The following CEACAM6 variants were observed in gnomAD, a reference collection of about 807,000 sequenced individuals.
The protein encoded by CEACAM6 is CEA cell adhesion molecule 6.
A neutral mutation model predicts 32.4 loss-of-function variants in CEACAM6; 21 were observed. The observed-to-expected ratio is 0.65, with a 90% confidence interval of 0.46 to 0.93. CEACAM6 has a LOEUF of 0.93. CEACAM6 is among the 40% of genes least tolerant of loss of function. The pLI, the probability that CEACAM6 is intolerant of heterozygous loss-of-function variation, is 0.00. For missense variants in CEACAM6, 406 were observed against 432.2 expected, an observed-to-expected ratio of 0.94 and a Z score of 0.54; for synonymous variants, 184 against 174.4, an observed-to-expected ratio of 1.06 and a Z score of -0.43.
chr19:41,759,230 A>G (rs2084571844), intron 2 of CEACAM6, among the ~76,000 whole-genome samples: 1 of 152,170 alleles, frequency 6.6e-6, no homozygotes, highest in Non-Finnish European at 1.5e-5. Context: ...CCTCATGATG[A>G]TGCCATTGTC....
chr19:41,770,608 C>T (rs900129957), intron 5 of CEACAM6, among the ~76,000 whole-genome samples, 194 bp from the exon 6 acceptor site: 8 of 151,866 alleles, frequency 5.3e-5, no homozygotes, highest in Admixed American at 2.0e-4. Flanking sequence ...ACTCTTGTTG[C>T]ACTTATATAA....
intron 2 of CEACAM6, among the ~76,000 whole-genome samples, chr19:41,759,233 C>CCCCT (rs2072908234): frequency 6.6e-6 from 1 of 152,212 alleles, no homozygotes; most frequent in African/African-American, 2.4e-5. Flanking sequence ...CATGATGATG[C>CCCCT]CATTGTCATA....
chr19:41,756,419 T>C (rs1281602808), intron 1 of CEACAM6, among the ~76,000 whole-genome samples, 181 bp from the exon 2 acceptor site: 1 of 148,434 alleles, frequency 6.7e-6, no homozygotes, highest in Non-Finnish European at 1.5e-5. Context: ...GCTGAAGGAA[T>C]GGGGGTGTCA....
Position 41,755,584 on chromosome 19 carries a change from T to G in CEACAM6, c.-55T>G. 1.3e-6 allele frequency: 2 copies of G among 1,550,860 alleles called. No individual in the cohort carries two copies. Among genetic ancestry groups the G allele is most frequent in the Non-Finnish European group, 1.8e-6 (2 of 1,123,286 alleles). On this transcript the variant is annotated 5_prime_UTR_variant, in exon 1 of 6. Transcript: ENST00000199764. Reference sequence around the variant, plus strand: ...AGTCACAGCAGCCCTGACCAGAGCATTCCTGGAGCTCAAGCTCCTCTACAA... The same window carrying G: ...AGTCACAGCAGCCCTGACCAGAGCAGTCCTGGAGCTCAAGCTCCTCTACAA...
intron 2 of CEACAM6, among the ~76,000 whole-genome samples, chr19:41,759,159 G>A (rs574128204): frequency 2.0e-5 from 3 of 152,190 alleles, no homozygotes; most frequent in Non-Finnish European, 4.4e-5. Context: ...TCCCCAGGTG[G>A]AGCCGGCCAG....
chr19:41,764,258 A>G (rs562884287), intron 4 of CEACAM6, among the ~76,000 whole-genome samples: 1 of 152,072 alleles, frequency 6.6e-6, no homozygotes, highest in Admixed American at 6.5e-5. Flanking sequence ...TTTAATCTTT[A>G]TTATTTCTGT....
Position 41,756,607 on chromosome 19 carries a change from T to C in CEACAM6, c.72T>C (p.Leu24=), listed in dbSNP as rs782309181. 1.1e-5 allele frequency: 18 copies of C among 1,613,696 alleles called. No homozygotes were observed. Among genetic ancestry groups the C allele is most frequent in the Middle Eastern group, 3.3e-4 (2 of 6,060 alleles). Residue 24 remains leucine (L), a synonymous_variant, in exon 2 of 6, where the codon CTT becomes CTC. Coordinates refer to ENST00000199764, the MANE Select transcript of CEACAM6 (RefSeq NM_002483.7). ...CTCTCTCCTCTCTCCTAGCCTCACT[T>C]CTAACCTTCTGGAACCCACCCACCA... is the stretch of plus-strand genomic sequence containing the variant. ...PWKEVLLTAS[L]LTFWNPPTTA... is the part of the protein sequence containing the mutation.
chr19:41,755,570 C>T lies in CEACAM6; in HGVS notation c.-69C>T. ...ACAGCAGGGCCAACAGTCACAGCAG[C>T]CCTGACCAGAGCATTCCTGGAGCTC... On this transcript the variant is annotated 5_prime_UTR_variant, in exon 1 of 6. Transcript: ENST00000199764. The T allele has an allele frequency of 3.4e-6, 5 of 1,468,500 alleles. No homozygotes were observed. Among genetic ancestry groups the T allele is most frequent in the Non-Finnish European group, 3.8e-6 (4 of 1,048,800 alleles). 91.0% of individuals were successfully genotyped at this position (1,468,500 alleles called of 1,614,324 possible). A position where few individuals can be genotyped will look rare whatever the true frequency, so the allele number is the denominator to read the frequency against.
intron 2 of CEACAM6, 127 bp downstream of exon 2, chr19:41,757,086 AG>A: frequency 2.1e-6 from 3 of 1,460,644 alleles, no homozygotes; most frequent in Non-Finnish European, 2.8e-6. Flanking sequence ...TTGGACATTT[AG>A]TGCAGGACAC....
intron 5 of CEACAM6, among the ~76,000 whole-genome samples, chr19:41,769,702 G>A (rs1013446651): frequency 3.4e-5 from 5 of 144,960 alleles, no homozygotes; most frequent in Admixed American, 7.1e-5. Flanking sequence ...TAATAATATC[G>A]TTATTTGCAC....
In CEACAM6 at chr19:41,771,642, C is replaced by G. The variant is rs1336886875; in HGVS notation, c.*881C>G. 1.3e-5 allele frequency: 2 copies of G among 152,182 alleles called. No homozygotes were observed. The highest frequency in any genetic ancestry group is 6.5e-5 in the Admixed American group (1 of 15,268). 9.4% of individuals were successfully genotyped at this position (152,182 alleles called of 1,614,324 possible). A position where few individuals can be genotyped will look rare whatever the true frequency, so the allele number is the denominator to read the frequency against. ...ATAGTCATACTAGTAGTCATACTCC[C>G]TGGTGTAGTGTATTCTCTAAAAGCT... On this transcript the variant is annotated 3_prime_UTR_variant, in exon 6 of 6. Transcript: ENST00000199764.
At chr19:41,760,287 A>G (rs180956904) in intron 2 of CEACAM6, among the ~76,000 whole-genome samples, 1 of 152,308 alleles carries the variant, frequency 6.6e-6, no homozygotes, top group Admixed American at 6.5e-5. Context: ...GACTTATTGC[A>G]TTTAGCATAA....
chr19:41,770,253 T>TCCAAAAAAA (rs1555822848), intron 5 of CEACAM6, among the ~76,000 whole-genome samples: 3 of 30,578 alleles, frequency 9.8e-5, no homozygotes, highest in Non-Finnish European at 1.3e-4. Context: ...CTGCTAAAAA[T>TCCAAAAAAA]ACAAAAAAAA....
At chr19:41,768,733 C>CCA (rs2122936865) in intron 5 of CEACAM6, among the ~76,000 whole-genome samples, 1 of 143,208 alleles carries the variant, frequency 7.0e-6, no homozygotes, top group Admixed American at 6.8e-5. Context: ...GGGGGGCTGA[C>CCA]CCCCCCACCT....
Position 41,761,354 on chromosome 19 carries a change from T to C in CEACAM6, c.530T>C (p.Leu177Pro), listed in dbSNP as rs369556770. 3.7e-6 allele frequency: 6 copies of C among 1,614,142 alleles called. No individual in the cohort carries two copies. The highest frequency in any genetic ancestry group is 4.5e-5 in the East Asian group (2 of 44,874). Residue 177 changes from leucine to proline, a missense_variant, in exon 3 of 6, where the codon CTG becomes CCG. Coordinates refer to ENST00000199764, the MANE Select transcript of CEACAM6 (RefSeq NM_002483.7). ...CCTGAGGTTCAGAACACAACCTACCTGTGGTGGGTAAATGGTCAGAGCCTC... is the reference window on the plus strand; with the variant it reads ...CCTGAGGTTCAGAACACAACCTACCCGTGGTGGGTAAATGGTCAGAGCCTC... ...CEPEVQNTTYLWWVNGQSLPV... is the reference protein window; with the variant it reads ...CEPEVQNTTYPWWVNGQSLPV...
At chr19:41,765,250 A>G (rs181838932) in intron 4 of CEACAM6, among the ~76,000 whole-genome samples, 1 of 152,346 alleles carries the variant, frequency 6.6e-6, no homozygotes, top group East Asian at 1.9e-4. Flanking sequence ...GAGTTACTGT[A>G]TAAATCAAAT....
At chr19:41,758,478 G>A (rs1488857185) in intron 2 of CEACAM6, among the ~76,000 whole-genome samples, 2 of 152,158 alleles carry the variant, frequency 1.3e-5, no homozygotes, top group Admixed American at 6.5e-5. Flanking sequence ...TGACACCCAT[G>A]TTCCATCCCT....
rs782546421 is a variant in CEACAM6, at chr19:41,762,129, C to T, written c.864C>T (p.Asn288=). 1.9e-6 allele frequency: 3 copies of T among 1,614,190 alleles called. No homozygotes were observed. Among genetic ancestry groups the T allele is most frequent in the Non-Finnish European group, 1.7e-6 (2 of 1,180,038 alleles). The part of the protein sequence containing the change: ...QQSTQELFIP[N]ITVNNSGSYM... ...CCACACAAGAGCTCTTTATCCCCAA[C>T]ATCACTGTGAATAATAGCGGATCCT... Residue 288 remains asparagine, a synonymous_variant, in exon 4 of 6, where the codon AAC becomes AAT. Coordinates refer to ENST00000199764, the MANE Select transcript of CEACAM6 (RefSeq NM_002483.7).
At chr19:41,762,308 C>A in intron 4 of CEACAM6, 85 bp downstream of exon 4, 1 of 1,514,562 alleles carries the variant, frequency 6.6e-7, no homozygotes, top group Non-Finnish European at 9.0e-7. Context: ...TTTTCTTTCC[C>A]AACCTGTGTC....
Sources: gnomAD v4.1 joint callset for allele counts (sites outside exome capture counted in the v4.1 genomes callset) on GRCh38, gnomAD v4.1.1 for gene constraint, MANE v1.5 for transcripts, NCBI Gene and HGNC (gene_info 2026-07-23, HGNC 2026-07-21) for gene names.